The following KCNMA1 variants were observed in gnomAD, a reference collection of about 807,000 sequenced individuals.
KCNMA1 encodes the protein Calcium-activated potassium channel subunit alpha-1.
In KCNMA1, 29 loss-of-function variants were observed where a neutral mutation model predicts 140.0. The observed-to-expected ratio is 0.21, with a 90% CI of 0.15 to 0.28. KCNMA1 has a LOEUF of 0.28. Among genes scored for constraint, KCNMA1 ranks in the 10% least tolerant of loss-of-function variants. The pLI is 1.00. For missense variants in KCNMA1, 880 were observed against 1,602.2 expected, an observed-to-expected ratio of 0.55 and a Z score of 7.70; for synonymous variants, 612 against 611.9, an observed-to-expected ratio of 1.00 and a Z score of 0.00.
At chr10:77,121,973 A>G (rs2097610232) in intron 5 of KCNMA1, among the ~76,000 whole-genome samples, 1 of 152,226 alleles carries the variant, frequency 6.6e-6, no homozygotes, top group Admixed American at 6.5e-5. Context: ...TTTCTTTTGC[A>G]GACTTTCTAG....
At chr10:77,172,697 A>C (rs1014311450) in intron 5 of KCNMA1, among the ~76,000 whole-genome samples, 46 of 56,452 alleles carry the variant, frequency 8.1e-4, no homozygotes, top group African/African-American at 3.0e-3. Context: ...TTTCTCAAAA[A>C]AAAACAAAAA....
chr10:77,628,017 C>G (rs776635229), intron 1 of KCNMA1, among the ~76,000 whole-genome samples: 1 of 152,142 alleles, frequency 6.6e-6, no homozygotes, highest in Non-Finnish European at 1.5e-5. Flanking sequence ...ATCCCACCCC[C>G]CAGCCCCAGT....
chr10:77,326,331 C>T (rs578255248), intron 2 of KCNMA1, among the ~76,000 whole-genome samples: 4 of 152,324 alleles, frequency 2.6e-5, no homozygotes, highest in Non-Finnish European at 4.4e-5. Flanking sequence ...GCATCCCCCA[C>T]GTGGAACTTC....
chr10:77,225,632 G>C (rs1318684537), intron 3 of KCNMA1, among the ~76,000 whole-genome samples: 2 of 152,194 alleles, frequency 1.3e-5, no homozygotes, highest in African/African-American at 2.4e-5. Context: ...GGAAACTCCT[G>C]CGGCTGTCGT....
At chr10:77,126,805 T>C (rs1031907866) in intron 5 of KCNMA1, among the ~76,000 whole-genome samples, 2 of 148,772 alleles carry the variant, frequency 1.3e-5, no homozygotes, top group African/African-American at 4.9e-5. Context: ...TGGGATACTT[T>C]TTCCTGTGGG....
intron 1 of KCNMA1, chr10:77,587,254 A>T (rs2077514770): frequency 1.3e-5 from 2 of 152,048 alleles, no homozygotes; most frequent in Admixed American, 6.6e-5. Context: ...CTCTACACCA[A>T]GATTGCACCA....
intron 17 of KCNMA1, among the ~76,000 whole-genome samples, chr10:77,018,109 A>AG (rs2092389103): frequency 6.6e-6 from 1 of 152,116 alleles, no homozygotes; most frequent in African/African-American, 2.4e-5. Flanking sequence ...CAAAGCTCTG[A>AG]GTGTTTGAGA....
At chr10:77,498,565 A>G (rs1244664388) in intron 1 of KCNMA1, 2 of 152,248 alleles carry the variant, frequency 1.3e-5, no homozygotes, top group Non-Finnish European at 2.9e-5. Context: ...GGAACTATTC[A>G]TGGTTCCAGC....
intron 2 of KCNMA1, among the ~76,000 whole-genome samples, chr10:77,385,728 A>G (rs1246977715): frequency 2.0e-5 from 3 of 152,222 alleles, no homozygotes; most frequent in African/African-American, 7.2e-5. Flanking sequence ...GAAGAAGGAC[A>G]GGTTGGAAAG....
intron 1 of KCNMA1, among the ~76,000 whole-genome samples, chr10:77,511,096 C>T (rs2048223014): frequency 6.6e-6 from 1 of 152,120 alleles, no homozygotes; most frequent in Non-Finnish European, 1.5e-5. Flanking sequence ...TCAGCAGTCT[C>T]AAAATTCATA....
intron 5 of KCNMA1, among the ~76,000 whole-genome samples, chr10:77,139,572 T>C (rs2098122828): frequency 6.6e-6 from 1 of 152,136 alleles, no homozygotes; most frequent in Non-Finnish European, 1.5e-5. Context: ...CTAAACTAGG[T>C]TTCAAAGGGA....
intron 1 of KCNMA1, among the ~76,000 whole-genome samples, chr10:77,602,976 T>C (rs775220172): frequency 3.3e-5 from 5 of 152,122 alleles, no homozygotes; most frequent in Non-Finnish European, 7.4e-5. Context: ...CTCTTCCTTC[T>C]CAGGGAAGCC....
intron 2 of KCNMA1, among the ~76,000 whole-genome samples, chr10:77,349,290 T>C (rs1047564940): frequency 1.4e-4 from 21 of 152,144 alleles, no homozygotes; most frequent in African/African-American, 4.6e-4. Flanking sequence ...GTGCCATCTA[T>C]GAACCAGACA....
intron 2 of KCNMA1, among the ~76,000 whole-genome samples, chr10:77,260,014 G>C (rs1026285159): frequency 1.3e-5 from 2 of 152,176 alleles, no homozygotes; most frequent in African/African-American, 4.8e-5. Context: ...AAAGAGAGGT[G>C]GGAGAAACAT....
chr10:77,212,997 C>T (rs1466867022), intron 3 of KCNMA1, among the ~76,000 whole-genome samples: 2 of 152,008 alleles, frequency 1.3e-5, no homozygotes, highest in Admixed American at 6.6e-5. Context: ...CAATTGCCGA[C>T]GTATGCATAG....
chr10:77,148,967 ACACT>A (rs2098367550), intron 5 of KCNMA1, among the ~76,000 whole-genome samples: 1 of 152,206 alleles, frequency 6.6e-6, no homozygotes, highest in African/African-American at 2.4e-5. Flanking sequence ...GTTTCCTGCA[ACACT>A]CACTTTAGAA....
intron 1 of KCNMA1, among the ~76,000 whole-genome samples, chr10:77,533,864 T>G (rs1271244530): frequency 1.3e-5 from 2 of 152,242 alleles, no homozygotes; most frequent in African/African-American, 4.8e-5. Flanking sequence ...CTGTACTGTC[T>G]CTATAGAGCC....
At chr10:77,565,986 G>A (rs1316363075) in intron 1 of KCNMA1, among the ~76,000 whole-genome samples, 1 of 145,764 alleles carries the variant, frequency 6.9e-6, no homozygotes, top group African/African-American at 2.5e-5. Flanking sequence ...CAGTTGCTGT[G>A]CCTCCACGGA....
intron 2 of KCNMA1, among the ~76,000 whole-genome samples, chr10:77,394,332 C>A (rs1296021133): frequency 6.6e-6 from 1 of 152,220 alleles, no homozygotes; most frequent in Non-Finnish European, 1.5e-5. Context: ...GTAAAATTAA[C>A]AGCTGCTCTT....
Sources: gnomAD v4.1 joint callset for allele counts (sites outside exome capture counted in the v4.1 genomes callset) on GRCh38, gnomAD v4.1.1 for gene constraint, MANE v1.5 for transcripts, NCBI Gene and HGNC (gene_info 2026-07-23, HGNC 2026-07-21) for gene names.